ABCD4: variants seen among roughly 807,000 people sequenced by gnomAD.
The protein encoded by ABCD4 is ATP binding cassette subfamily D member 4, also known as lysosomal cobalamin transporter ABCD4.
A neutral mutation model predicts 86.3 loss-of-function variants in ABCD4; 53 were observed. The ratio of observed to expected loss-of-function variants is 0.61; its 90% confidence interval spans 0.49 to 0.77. ABCD4 has a LOEUF of 0.77. Among genes scored for constraint, ABCD4 ranks in the 30% least tolerant of loss-of-function variants. The pLI is 0.00. For missense variants in ABCD4, 757 were observed against 764.5 expected (o/e 0.99, Z 0.12); for synonymous variants, 328 against 313.6 (o/e 1.05, Z -0.49).
intron 1 of ABCD4, among the ~76,000 whole-genome samples, chr14:74,300,548 C>T (rs1336003908): frequency 2.7e-5 from 4 of 147,460 alleles, no homozygotes; most frequent in Non-Finnish European, 4.5e-5. Context: ...GCTGAGATTG[C>T]GCCATTGCAA....
chr14:74,289,656 A>G, intron 13 of ABCD4, 137 bp from the exon 14 acceptor site: 5 of 1,477,938 alleles, frequency 3.4e-6, no homozygotes, highest in Admixed American at 2.5e-5. Context: ...GTCAGATGGG[A>G]GAGGCTCTGG....
intron 13 of ABCD4, chr14:74,289,752 C>G: frequency 2.1e-6 from 3 of 1,433,746 alleles, no homozygotes; most frequent in Non-Finnish European, 2.7e-6. Context: ...GGCAGGGGCC[C>G]CAGAATCCGA....
At position 74,302,898 on chromosome 14, in the gene ABCD4, C is replaced by G. The variant is rs756147274; in HGVS notation, c.15G>C (p.Gly5=). 1.2e-6 allele frequency: 2 copies of G among 1,607,284 alleles called. No individual in the cohort carries two copies. The highest frequency in any genetic ancestry group is 1.7e-6 in the Non-Finnish European group (2 of 1,177,232). The change falls in exon 1 of 19, where the codon GGG becomes GGC. Residue 5 remains glycine (G), a synonymous_variant. Coordinates refer to ENST00000356924, the MANE Select transcript of ABCD4 (RefSeq NM_005050.4). MAVA[G]PAPGAGARPR... ...ACCTGGCGCCAGCTCCGGGCGCGGG[C>G]CCCGCGACCGCCATGACCTGAGACC... is the stretch of plus-strand genomic sequence containing the variant.
Position 74,295,095 on chromosome 14 carries a change from T to C in ABCD4, c.719+53A>G, listed in dbSNP as rs1207759814. On this transcript the variant is annotated intron_variant, in intron 7 of 18. Transcript: ENST00000356924. ...GGAGGGTTGAGGATTCATCTTTCCT[T>C]CTCCACTCTCAGCTCTGGCAAGGCA... 2.5e-6 allele frequency: 4 copies of C among 1,601,036 alleles called. No individual in the cohort carries two copies. The African/African-American group carries it at 5.4e-5, about 21-fold the overall frequency.
Position 74,295,927 on chromosome 14 carries a change from C to A in ABCD4, c.595G>T (p.Val199Leu). The change falls in exon 6 of 19, where the codon GTG becomes TTG. Residue 199 changes from valine to leucine, a missense_variant. By Grantham distance (32) the Val-to-Leu change is conservative (BLOSUM62 1). Transcript: ENST00000356924. Reference sequence around the variant, plus strand: ...GGGCCCATCAAAGTTTTGTTCACCACGGTCCCCAGGATGAAATACCCGAAG... The same window carrying A: ...GGGCCCATCAAAGTTTTGTTCACCAAGGTCCCCAGGATGAAATACCCGAAG... ...SIFGYFILGT[V>L]VNKTLMGPIV... The A allele has an allele frequency of 6.2e-7, 1 of 1,612,814 alleles. No individual in the cohort carries two copies. Among genetic ancestry groups the A allele is most frequent in the Non-Finnish European group, 8.5e-7 (1 of 1,179,750 alleles).
chr14:74,291,793 G>A (rs1458162612), intron 11 of ABCD4, among the ~76,000 whole-genome samples: 2 of 152,192 alleles, frequency 1.3e-5, no homozygotes, highest in African/African-American at 4.8e-5. Context: ...ACAAGTGAAG[G>A]AAGTTCATTA....
intron 7 of ABCD4, chr14:74,294,820 T>C: frequency 2.9e-6 from 1 of 340,262 alleles, no homozygotes; most frequent in Non-Finnish European, 5.5e-6. Context: ...AGAAAGCTTC[T>C]TAACAGACAG....
chr14:74,299,714 G>T, intron 2 of ABCD4, 39 bp from the exon 3 acceptor site: 1 of 1,588,566 alleles, frequency 6.3e-7, no homozygotes, highest in Non-Finnish European at 8.6e-7. Context: ...AGTGATGAGG[G>T]GTTAAAAAGA....
At chr14:74,288,544 C>G (rs748932417) in intron 15 of ABCD4, 172 bp downstream of exon 15, 53 of 736,440 alleles carry the variant, frequency 7.2e-5, no homozygotes, top group African/African-American at 1.8e-4. Context: ...AGCACTACCC[C>G]CTTCGTGCCT....
intron 7 of ABCD4, chr14:74,294,876 G>T: frequency 2.0e-6 from 1 of 505,242 alleles, no homozygotes; most frequent in Non-Finnish European, 3.5e-6. Context: ...GCAAGAGGAT[G>T]AGGCATTCAT....
Position 74,290,301 on chromosome 14 carries a change from C to G in ABCD4, c.1317G>C (p.Thr439=). The part of the protein sequence containing the change: ...SLLRVLGGLW[T]STRGSVQMLT... ...GGGCCTGGCTCTCACCCCGTGTACT[C>G]GTCCAGAGGCCACCCAGAACCCGGA... The change falls in exon 12 of 19, where the codon ACG becomes ACC. Residue 439 remains threonine, a synonymous_variant. Transcript: ENST00000356924. 6.2e-7 allele frequency: 1 copy of G among 1,614,200 alleles called. No homozygotes were observed. Among genetic ancestry groups the G allele is most frequent in the South Asian group, 1.1e-5 (1 of 91,078 alleles).
At chr14:74,299,321 C>G (rs1476769051) in intron 3 of ABCD4, 3 of 487,114 alleles carry the variant, frequency 6.2e-6, no homozygotes, top group African/African-American at 5.9e-5. Context: ...AAACCAGAAC[C>G]TGTGGCCTGG....
chr14:74,287,632 T>C (rs554049904), intron 17 of ABCD4, among the ~76,000 whole-genome samples, 178 bp downstream of exon 17: 49 of 148,968 alleles, frequency 3.3e-4, no homozygotes, highest in African/African-American at 1.2e-3. Flanking sequence ...GCATATTCAG[T>C]GTTAACTCTG....
chr14:74,287,304 T>C (rs1404790709), intron 17 of ABCD4, among the ~76,000 whole-genome samples: 1 of 152,010 alleles, frequency 6.6e-6, no homozygotes, highest in Non-Finnish European at 1.5e-5. Flanking sequence ...ATCCCAGCAC[T>C]TTGGGAGGCC....
At chr14:74,296,808 C>T (rs1443366342) in intron 4 of ABCD4, 1 of 186,070 alleles carries the variant, frequency 5.4e-6, no homozygotes, top group African/African-American at 2.4e-5. Flanking sequence ...TATCTCAATC[C>T]TCCCAAATTT....
chr14:74,290,080 C>T lies in ABCD4; in HGVS notation c.1366G>A (p.Val456Met). The part of the protein sequence containing the change: ...QMLTDFGPHG[V>M]LFLPQKPFFT... The stretch of plus-strand genomic sequence containing the variant: ...AATGGCTTTTGTGGCAGGAATAGCA[C>T]CCCATGGGGCCCAAAGTCCGTCAGC... The change falls in exon 13 of 19, where the codon GTG becomes ATG. Residue 456 changes from valine to methionine, a missense_variant. Val to Met is a conservative substitution (Grantham distance 21). Transcript: ENST00000356924. 6.2e-7 allele frequency: 1 copy of T among 1,614,136 alleles called. No homozygotes were observed. Among genetic ancestry groups the T allele is most frequent in the Non-Finnish European group, 8.5e-7 (1 of 1,180,016 alleles).
chr14:74,292,185 C>T (rs1298386008), intron 11 of ABCD4, 102 bp downstream of exon 11: 26 of 1,091,808 alleles, frequency 2.4e-5, no homozygotes, highest in South Asian at 1.1e-4. Flanking sequence ...CTCCTTACAA[C>T]TCTGCTGCCC....
rs937667485 is a variant in ABCD4 at position 74,295,941 on chromosome 14, A to C, written c.581T>G (p.Phe194Cys). 4.3e-5 allele frequency: 70 copies of C among 1,611,990 alleles called. No homozygotes were observed. The highest frequency in any genetic ancestry group is 5.8e-5 in the Non-Finnish European group (68 of 1,179,572). ...TTTGTTCACCACGGTCCCCAGGATG[A>C]AATACCCGAAGATGCTCACAGGCCC... is the stretch of plus-strand genomic sequence containing the variant. ...WLGPVSIFGY[F>C]ILGTVVNKTL... The change falls in exon 6 of 19, where the codon TTC becomes TGC. Residue 194 changes from phenylalanine to cysteine, a missense_variant. Transcript: ENST00000356924.
intron 7 of ABCD4, chr14:74,293,653 T>G (rs1291068960): frequency 6.3e-6 from 1 of 159,018 alleles, no homozygotes; most frequent in Admixed American, 6.3e-5. Flanking sequence ...ATAAAAACTA[T>G]TGTTAAATAA....
Sources: allele counts gnomAD v4.1 joint callset (sites outside exome capture counted in the v4.1 genomes callset), GRCh38; gene constraint gnomAD v4.1.1; transcripts MANE v1.5; gene names NCBI Gene and HGNC (gene_info 2026-07-23, HGNC 2026-07-21).